Variants in ARAP2 observed in about 807,000 individuals in gnomAD.
The protein encoded by ARAP2 is arf-GAP with Rho-GAP domain, ANK repeat and PH domain-containing protein 2.
Under a neutral mutation model 194.5 loss-of-function variants are expected in ARAP2, and 148 were observed. That is an observed-to-expected ratio of 0.76 (90% CI 0.67 to 0.87). The LOEUF (loss-of-function observed/expected upper bound fraction) is 0.87, where lower values mean the gene tolerates loss of function less well. Ranked by LOEUF, ARAP2 falls within the 40% of genes least tolerant of loss-of-function variation. The pLI, the probability that ARAP2 is intolerant of heterozygous loss-of-function variation, is 0.00. For synonymous variants in ARAP2, 695 were observed against 683.5 expected (o/e 1.02, Z -0.26); for missense variants, 2,128 against 1,989.7 (o/e 1.07, Z -1.32).
chr4:36,164,926 T>C lies in ARAP2; in HGVS notation c.2161A>G (p.Lys721Glu), dbSNP rs1403035249. 3.1e-6 allele frequency: 5 copies of C among 1,613,892 alleles called. No homozygotes were observed. Among genetic ancestry groups the C allele is most frequent in the Non-Finnish European group, 4.2e-6 (5 of 1,179,882 alleles). Residue 721 changes from lysine to glutamate, a missense_variant, in exon 11 of 33, where the codon AAG (lysine) becomes GAG (glutamate). Lys to Glu is a moderately conservative substitution (Grantham distance 56). Transcript: ENST00000303965. ...TGTCACTAATTACCTGCACACTTCT[T>C]ACAGATGACAACACAGAGATTGATG... Reference protein sequence around the residue: ...ASINLCVVICKKCAGQHRSLG... With the variant: ...ASINLCVVICEKCAGQHRSLG...
intron 5 of ARAP2, among the ~76,000 whole-genome samples, chr4:36,019,860 G>C (rs758754536): frequency 2.0e-5 from 3 of 152,104 alleles, no homozygotes; most frequent in Non-Finnish European, 2.9e-5. Flanking sequence ...TAGTAGGAGA[G>C]AGTAGTCTCT....
chr4:36,032,021 T>G (rs1719067993), intron 5 of ARAP2, among the ~76,000 whole-genome samples: 2 of 152,258 alleles, frequency 1.3e-5, no homozygotes, highest in Admixed American at 6.5e-5. Flanking sequence ...TAAAGAAAAA[T>G]TATTCTGATA....
At chr4:36,135,583 T>A (rs897408419) in intron 19 of ARAP2, among the ~76,000 whole-genome samples, 1 of 151,840 alleles carries the variant, frequency 6.6e-6, no homozygotes, top group South Asian at 2.1e-4. Context: ...CTAATACACC[T>A]GACATGCTAC....
chr4:36,228,584 C>T lies in ARAP2; in HGVS notation c.903G>A (p.Gly301=). 3 of 1,580,684 alleles carry T rather than the reference C, an allele frequency of 1.9e-6. No individual in the cohort carries two copies. The highest frequency in any genetic ancestry group is 2.6e-6 in the Non-Finnish European group (3 of 1,164,292). The change falls in exon 2 of 33, where the codon GGG becomes GGA. Residue 301 remains glycine (G), a splice_region_variant and synonymous_variant. Coordinates refer to ENST00000303965, the MANE Select transcript of ARAP2 (RefSeq NM_015230.4). ...EIPGSTKGVS[G]SYFRERRNVA... The stretch of plus-strand genomic sequence containing the variant: ...CAGCTTATTGTAAAGATTCTTACCT[C>T]CCAGAAACTCCTTTTGTTGACCCTG...
chr4:36,167,028 C>A lies in ARAP2; in HGVS notation c.1877G>T (p.Gly626Val). Residue 626 changes from glycine to valine, a missense_variant, in exon 10 of 33, where the codon GGT becomes GTT. Transcript: ENST00000303965. ...TACATTCATAGGAATTATGGTAATACCAAGTCCACTCTTAAAATCCTAGTT... is the reference window on the plus strand; with the variant it reads ...TACATTCATAGGAATTATGGTAATAACAAGTCCACTCTTAAAATCCTAGTT... ...KNEQDFKSGL[G>V]ITIIPMNVAN... The A allele has an allele frequency of 6.3e-7, 1 of 1,577,420 alleles. No individual in the cohort carries two copies. The highest frequency in any genetic ancestry group is 8.6e-7 in the Non-Finnish European group (1 of 1,163,284).
chr4:36,145,300 G>A (rs903375621), intron 19 of ARAP2, among the ~76,000 whole-genome samples: 26 of 151,900 alleles, frequency 1.7e-4, no homozygotes, highest in African/African-American at 6.0e-4. Flanking sequence ...AGTGGTTGAC[G>A]GGCTAAGGAA....
At chr4:36,212,335 A>G in intron 5 of ARAP2, 61 bp downstream of exon 5, 8 of 1,336,666 alleles carry the variant, frequency 6.0e-6, no homozygotes, top group Non-Finnish European at 8.4e-6. Flanking sequence ...AAGAATGAGA[A>G]GTCAACATTG....
chr4:36,200,242 T>A (rs11360814), intron 6 of ARAP2, among the ~76,000 whole-genome samples: 2 of 144,200 alleles, frequency 1.4e-5, no homozygotes, highest in South Asian at 2.2e-4. Context: ...TCCCTTTTTT[T>A]ATTTTTGTTT....
At chr4:36,034,407 T>C (rs1719552138) in intron 5 of ARAP2, among the ~76,000 whole-genome samples, 1 of 152,124 alleles carries the variant, frequency 6.6e-6, no homozygotes, top group South Asian at 2.1e-4. Flanking sequence ...TTGTGGATAT[T>C]GTGAATGGGA....
At chr4:36,197,887 A>T (rs1248237232) in intron 6 of ARAP2, among the ~76,000 whole-genome samples, 1 of 152,118 alleles carries the variant, frequency 6.6e-6, no homozygotes, top group Non-Finnish European at 1.5e-5. Flanking sequence ...AAGAGGTCCA[A>T]AGAGGGAGTC....
intron 28 of ARAP2, among the ~76,000 whole-genome samples, chr4:36,084,534 T>C (rs1730368838): frequency 1.3e-5 from 2 of 152,054 alleles, no homozygotes; most frequent in Non-Finnish European, 2.9e-5. Context: ...TTGAGGTATC[T>C]CAAAAATCCA....
At chr4:36,060,482 C>T (rs1724249108) in intron 1 of ARAP2, among the ~76,000 whole-genome samples, 1 of 152,012 alleles carries the variant, frequency 6.6e-6, no homozygotes. Flanking sequence ...TGATGTGATG[C>T]CAGAAAGTTA....
Position 36,114,156 on chromosome 4 carries a change from TA to T in ARAP2, c.4156+13del, listed in dbSNP as rs989718947. The T allele has an allele frequency of 9.9e-6, 15 of 1,520,362 alleles. No individual in the cohort carries two copies. The highest frequency in any genetic ancestry group is 1.4e-5 in the African/African-American group (1 of 72,058). 94.2% of individuals were successfully genotyped at this position (1,520,362 alleles called of 1,614,324 possible). A position where few individuals can be genotyped will look rare whatever the true frequency, so the allele number is the denominator to read the frequency against. On this transcript the variant is annotated intron_variant, in intron 26 of 32. Transcript: ENST00000303965. ...ATAAGTAATTTAAGAATCCCTAGCA[TA>T]AAAATCACTTACCTAGCTCTTCATT...
rs185174985 is a variant in ARAP2 at position 36,152,855 on chromosome 4, G to A, written c.2753-1811C>T. On this transcript the variant is annotated intron_variant, in intron 15 of 32. Transcript: ENST00000303965. ...AAAACCCTATTTGCCCAGAGAATCA[G>A]ATTACACGTGAAGTTGGGAAATGGG... Among the ~76,000 whole-genome samples the A allele has an allele frequency of 6.2e-4, 95 of 152,342 alleles. 1 individual carries two copies. The highest frequency in any genetic ancestry group is 2.1e-3 in the African/African-American group (89 of 41,584).
At chr4:36,205,099 C>T (rs1182171724) in intron 6 of ARAP2, among the ~76,000 whole-genome samples, 1 of 146,752 alleles carries the variant, frequency 6.8e-6, no homozygotes, top group East Asian at 2.1e-4. Flanking sequence ...ATTAATCATA[C>T]TATGCTACAT....
At chr4:36,161,862 A>G (rs1429727794) in intron 11 of ARAP2, among the ~76,000 whole-genome samples, 1 of 150,956 alleles carries the variant, frequency 6.6e-6, no homozygotes, top group Admixed American at 6.6e-5. Flanking sequence ...TAATCCCAGC[A>G]CTTTGGAAGG....
chr4:36,136,294 C>T (rs1331449445), intron 19 of ARAP2, among the ~76,000 whole-genome samples: 2 of 151,708 alleles, frequency 1.3e-5, no homozygotes, highest in South Asian at 4.1e-4. Context: ...TTGATGAACT[C>T]TAATTACAGA....
At chr4:36,079,594 C>A (rs1339116233) in intron 31 of ARAP2, among the ~76,000 whole-genome samples, 1 of 152,128 alleles carries the variant, frequency 6.6e-6, no homozygotes, top group Non-Finnish European at 1.5e-5. Flanking sequence ...AAGGGTAAGT[C>A]CTGCTCTAGG....
intron 5 of ARAP2, among the ~76,000 whole-genome samples, chr4:36,036,812 A>T (rs1253158418): frequency 6.6e-6 from 1 of 152,128 alleles, no homozygotes; most frequent in Non-Finnish European, 1.5e-5. Context: ...CATGGGACAG[A>T]TCCTTTCATC....
Sources: gnomAD v4.1 joint callset for allele counts (sites outside exome capture counted in the v4.1 genomes callset) on GRCh38, gnomAD v4.1.1 for gene constraint, MANE v1.5 for transcripts, NCBI Gene and HGNC (gene_info 2026-07-23, HGNC 2026-07-21) for gene names.